The following PHACTR4 variants were observed in gnomAD, a reference collection of about 807,000 sequenced individuals.
PHACTR4 encodes phosphatase and actin regulator 4.
A neutral mutation model predicts 72.7 loss-of-function variants in PHACTR4; 51 were observed. The observed-to-expected ratio is 0.70, with a 90% CI of 0.56 to 0.89. The LOEUF is 0.89. Ranked by LOEUF, PHACTR4 falls within the 40% of genes least tolerant of loss-of-function variation. The pLI, the probability that PHACTR4 is intolerant of heterozygous loss-of-function variation, is 0.00. For missense variants in PHACTR4, 731 were observed against 861.8 expected (o/e 0.85, Z 1.90); for synonymous variants, 255 against 302.5 (o/e 0.84, Z 1.63).
intron 7 of PHACTR4, among the ~76,000 whole-genome samples, chr1:28,474,939 TTTTA>T (rs143428465): frequency 2.0e-5 from 3 of 151,164 alleles, no homozygotes; most frequent in African/African-American, 4.9e-5. Flanking sequence ...AAAACTTTAT[TTTTA>T]TTTATTTATT....
intron 1 of PHACTR4, among the ~76,000 whole-genome samples, chr1:28,378,198 T>TTAAAAAAAAAA (rs1651844010): frequency 2.6e-5 from 2 of 76,386 alleles, no homozygotes; most frequent in Non-Finnish European, 4.8e-5. Context: ...CTCCATCTCA[T>TTAAAAAAAAAA]AAAAAAAAAA....
rs768849564 is a variant in PHACTR4 at position 28,476,213 on chromosome 1, G to T, written c.1528G>T (p.Glu510Ter). ...ATTACCACAGTGTCTACGGGAGGAA[G>T]AAGAGAAGGAGAGCGACTCTGATTC... ...PKLPQCLREE[E>*]EKESDSDSEG... Residue 510 changes from glutamate (E) to a stop codon, truncating the protein, a stop_gained, in exon 8 of 14, where the codon GAA (glutamate) becomes TAA (stop). Transcript: ENST00000373839. LOFTEE classifies it high-confidence loss of function. 1 of 1,588,996 alleles carries T rather than the reference G, an allele frequency of 6.3e-7. No homozygotes were observed. Among genetic ancestry groups the T allele is most frequent in the South Asian group, 1.1e-5 (1 of 90,720 alleles).
At chr1:28,412,954 C>A (rs1468080309) in intron 2 of PHACTR4, among the ~76,000 whole-genome samples, 1 of 152,160 alleles carries the variant, frequency 6.6e-6, no homozygotes, top group African/African-American at 2.4e-5. Flanking sequence ...TGCACCACTA[C>A]CCCCGGGCCA....
rs1661473652 is a variant in PHACTR4, at chr1:28,498,129, C to T, written c.*1580C>T. 1 of 152,146 alleles carries T rather than the reference C, an allele frequency of 6.6e-6. No homozygotes were observed. Among genetic ancestry groups the T allele is most frequent in the Admixed American group, 6.6e-5 (1 of 15,260 alleles). The allele number at this position is 152,146 out of a possible 1,614,324, so 9.4% of individuals were successfully genotyped here. On this transcript the variant is annotated 3_prime_UTR_variant, in exon 14 of 14. Coordinates refer to ENST00000373839, the MANE Select transcript of PHACTR4 (RefSeq NM_001048183.3). ...CTTCGACCAATAAATGTATTCTCCT[C>T]CTTAAAGCAGAGTTGTATCAACTCT...
intron 4 of PHACTR4, among the ~76,000 whole-genome samples, chr1:28,463,813 C>T (rs775377611): frequency 6.6e-6 from 1 of 152,076 alleles, no homozygotes; most frequent in Non-Finnish European, 1.5e-5. Context: ...GCTTACTGTA[C>T]CCTTGACCTC....
intron 2 of PHACTR4, among the ~76,000 whole-genome samples, chr1:28,415,053 G>T (rs1328176744): frequency 6.6e-6 from 1 of 151,992 alleles, no homozygotes; most frequent in Non-Finnish European, 1.5e-5. Flanking sequence ...CTGAGCTCAG[G>T]AATTCGAGAC....
chr1:28,460,935 C>T (rs564964540), intron 4 of PHACTR4, among the ~76,000 whole-genome samples: 7 of 152,206 alleles, frequency 4.6e-5, no homozygotes, highest in East Asian at 1.9e-4. Flanking sequence ...TGAGCCACCG[C>T]GCCCAGCTCA....
intron 12 of PHACTR4, among the ~76,000 whole-genome samples, chr1:28,492,500 AC>A (rs1220367192): frequency 1.4e-5 from 2 of 141,270 alleles, no homozygotes; most frequent in African/African-American, 5.3e-5. Flanking sequence ...AGTGGCTCAC[AC>A]CTGTAATCCC....
chr1:28,454,053 T>TA (rs1006089165), intron 2 of PHACTR4: 63 of 271,670 alleles, frequency 2.3e-4, no homozygotes, highest in African/African-American at 6.1e-4. Context: ...TTGTCTCTAT[T>TA]AAAAAAAAAT....
intron 7 of PHACTR4, 82 bp downstream of exon 7, chr1:28,474,233 A>T: frequency 7.5e-7 from 1 of 1,338,144 alleles, no homozygotes. Flanking sequence ...TAAAAAGAAA[A>T]TGTGGGCCGG....
intron 13 of PHACTR4, among the ~76,000 whole-genome samples, chr1:28,494,799 C>T (rs1387701235): frequency 2.0e-5 from 3 of 152,290 alleles, no homozygotes; most frequent in East Asian, 1.9e-4. Context: ...TGCAGTCCCT[C>T]GCAATGCTTT....
At chr1:28,424,011 GTTT>G (rs1050977521) in intron 2 of PHACTR4, among the ~76,000 whole-genome samples, 3 of 151,914 alleles carry the variant, frequency 2.0e-5, no homozygotes, top group African/African-American at 7.3e-5. Flanking sequence ...TCAGATACCA[GTTT>G]TTACCATTTA....
chr1:28,425,154 G>T (rs1655759754), intron 2 of PHACTR4, among the ~76,000 whole-genome samples: 1 of 151,816 alleles, frequency 6.6e-6, no homozygotes, highest in East Asian at 1.9e-4. Context: ...GAGTCTCACT[G>T]TCACCCAATC....
At chr1:28,402,283 G>A (rs11247806) in intron 1 of PHACTR4, among the ~76,000 whole-genome samples, 44,415 of 151,990 alleles carry the variant, frequency 0.29, 6,759 homozygotes, top group Middle Eastern at 0.34. Flanking sequence ...AAAATTGGGA[G>A]TGGGAAATCA....
intron 1 of PHACTR4, among the ~76,000 whole-genome samples, chr1:28,401,388 C>A (rs1653935103): frequency 6.7e-6 from 1 of 149,068 alleles, no homozygotes; most frequent in East Asian, 2.0e-4. Flanking sequence ...CTCACTGCAA[C>A]CTCCACCTCC....
chr1:28,458,148 G>GTGTGTGTT (rs1658542017), intron 2 of PHACTR4, among the ~76,000 whole-genome samples: 2 of 148,492 alleles, frequency 1.3e-5, no homozygotes, highest in Admixed American at 6.7e-5. Context: ...GTGTGTGTGT[G>GTGTGTGTT]TGTGTGTGTT....
intron 1 of PHACTR4, among the ~76,000 whole-genome samples, chr1:28,398,561 G>A (rs1348896658): frequency 2.0e-5 from 3 of 151,894 alleles, no homozygotes; most frequent in Non-Finnish European, 4.4e-5. Context: ...GCTCATGCCT[G>A]TAATCCCAGC....
intron 2 of PHACTR4, among the ~76,000 whole-genome samples, chr1:28,452,395 A>C (rs537037981): frequency 6.6e-6 from 1 of 152,306 alleles, no homozygotes; most frequent in African/African-American, 2.4e-5. Flanking sequence ...TGTCCCAGCT[A>C]CTCAGACAGC....
At chr1:28,382,174 A>G (rs999060202) in intron 1 of PHACTR4, among the ~76,000 whole-genome samples, 1 of 152,120 alleles carries the variant, frequency 6.6e-6, no homozygotes, top group African/African-American at 2.4e-5. Flanking sequence ...AGTTTGCAAA[A>G]ATTTTCTCCC....
Sources: gnomAD v4.1 joint callset for allele counts (sites outside exome capture counted in the v4.1 genomes callset) on GRCh38, gnomAD v4.1.1 for gene constraint, MANE v1.5 for transcripts, NCBI Gene and HGNC (gene_info 2026-07-23, HGNC 2026-07-21) for gene names.